NRXN1: variants seen among roughly 807,000 people sequenced by gnomAD.
NRXN1 encodes the protein neurexin 1.
A neutral mutation model predicts 150.9 loss-of-function variants in NRXN1; 39 were observed. The observed-to-expected ratio is 0.26, with a 90% CI of 0.20 to 0.34. NRXN1 has a LOEUF of 0.34. Ranked by LOEUF, NRXN1 falls within the 10% of genes least tolerant of loss-of-function variation. The probability of loss-of-function intolerance (pLI) is 1.00; values close to 1 mark genes in which losing one functional copy is unlikely to be tolerated. For missense variants in NRXN1, 1,815 were observed against 1,949.9 expected (o/e 0.93, Z 1.30); for synonymous variants, 924 against 757.0 (o/e 1.22, Z -3.62).
In NRXN1 at chr2:50,986,901, T is replaced by C. The variant is rs545657281; in HGVS notation, c.772+40601A>G. ...TATATATGCGTAAATGTACAGAAAG[T>C]AAAATTGAAAAACAGCACCCTGAAA... On this transcript the variant is annotated intron_variant, in intron 2 of 22. Coordinates refer to ENST00000401669, the MANE Select transcript of NRXN1 (RefSeq NM_001330078.2). Among the ~76,000 whole-genome samples the C allele has an allele frequency of 2.0e-3, 297 of 151,876 alleles. 3 individuals are homozygous for C. Among genetic ancestry groups the C allele is most frequent in the African/African-American group, 6.9e-3 (287 of 41,526 alleles).
At chr2:50,162,744 G>T (rs1470025372) in intron 18 of NRXN1, among the ~76,000 whole-genome samples, 1 of 151,886 alleles carries the variant, frequency 6.6e-6, no homozygotes, top group East Asian at 1.9e-4. Flanking sequence ...ATACTATTCT[G>T]CCTAACCTCA....
intron 8 of NRXN1, among the ~76,000 whole-genome samples, chr2:50,579,864 G>A (rs1671992140): frequency 6.6e-6 from 1 of 152,042 alleles, no homozygotes; most frequent in Non-Finnish European, 1.5e-5. Flanking sequence ...ATCCTTGTCC[G>A]AGATCTACAT....
intron 2 of NRXN1, among the ~76,000 whole-genome samples, chr2:50,990,009 G>T (rs1358995994): frequency 2.0e-5 from 3 of 151,898 alleles, no homozygotes; most frequent in African/African-American, 7.2e-5. Context: ...TAAAAAATTA[G>T]CCATTCTAAT....
chr2:50,401,146 AT>A (rs1366447537), intron 17 of NRXN1, among the ~76,000 whole-genome samples: 1 of 152,206 alleles, frequency 6.6e-6, no homozygotes, highest in Non-Finnish European at 1.5e-5. Context: ...TTCATATTAG[AT>A]ACCAAGCGCT....
chr2:50,846,278 C>T (rs186744357), intron 5 of NRXN1, among the ~76,000 whole-genome samples: 107 of 152,290 alleles, frequency 7.0e-4, no homozygotes, highest in African/African-American at 2.5e-3. Context: ...AAAGCCACCA[C>T]AGATCTGCCT....
chr2:50,905,960 C>G (rs1265901339), intron 5 of NRXN1, among the ~76,000 whole-genome samples: 2 of 152,044 alleles, frequency 1.3e-5, no homozygotes, highest in African/African-American at 4.8e-5. Flanking sequence ...TTAAGCAAGG[C>G]ACTAGACTAA....
intron 5 of NRXN1, among the ~76,000 whole-genome samples, chr2:50,666,321 T>C (rs1211729706): frequency 6.6e-6 from 1 of 151,962 alleles, no homozygotes; most frequent in Non-Finnish European, 1.5e-5. Context: ...TTTTGTCTTT[T>C]ACAATTAAAG....
intron 5 of NRXN1, among the ~76,000 whole-genome samples, chr2:50,816,873 A>T (rs927529440): frequency 6.6e-6 from 1 of 152,112 alleles, no homozygotes; most frequent in African/African-American, 2.4e-5. Context: ...ACATAGACTA[A>T]CCAGGAATGA....
chr2:50,260,150 T>C (rs1022620467), intron 17 of NRXN1, among the ~76,000 whole-genome samples: 5 of 151,840 alleles, frequency 3.3e-5, no homozygotes, highest in Admixed American at 2.0e-4. Context: ...TAACCACTAC[T>C]TTTATCTATG....
intron 15 of NRXN1, among the ~76,000 whole-genome samples, chr2:50,491,364 T>G (rs1414770320): frequency 6.6e-6 from 1 of 152,204 alleles, no homozygotes; most frequent in Non-Finnish European, 1.5e-5. Context: ...CTATTTATCT[T>G]CAAACTTTGC....
chr2:50,220,174 T>C (rs2063777158), intron 18 of NRXN1, among the ~76,000 whole-genome samples: 2 of 149,962 alleles, frequency 1.3e-5, no homozygotes, highest in Non-Finnish European at 3.0e-5. Flanking sequence ...GAGGTTCACA[T>C]TACCAAAGAG....
rs183910924 is a variant in NRXN1, at chr2:50,875,213, C to T, written c.832+46656G>A. Among the ~76,000 whole-genome samples the T allele has an allele frequency of 1.9e-3, 281 of 151,688 alleles. 1 individual carries two copies. The highest frequency in any genetic ancestry group is 6.2e-3 in the African/African-American group (258 of 41,472). ...TAAGAGGGGTACATTTTTTTGACAT[C>T]ACTATATTACAATTTGAATCAAAAC... On this transcript the variant is annotated intron_variant, in intron 5 of 22. Coordinates refer to ENST00000401669, the MANE Select transcript of NRXN1 (RefSeq NM_001330078.2).
intron 18 of NRXN1, among the ~76,000 whole-genome samples, chr2:50,131,982 A>T (rs1408511044): frequency 1.3e-5 from 2 of 152,110 alleles, no homozygotes; most frequent in Non-Finnish European, 2.9e-5. Context: ...GTGCGTGTGT[A>T]TGTGTGTGTG....
chr2:50,777,912 C>T (rs140778251), intron 5 of NRXN1, among the ~76,000 whole-genome samples: 4 of 152,186 alleles, frequency 2.6e-5, no homozygotes, highest in Middle Eastern at 3.4e-3. Context: ...TGTAGAAATG[C>T]TTAAAAATGT....
At chr2:50,849,743 T>C (rs1674229990) in intron 5 of NRXN1, among the ~76,000 whole-genome samples, 1 of 152,170 alleles carries the variant, frequency 6.6e-6, no homozygotes, top group Admixed American at 6.5e-5. Context: ...GTGCTATCTT[T>C]CTTAGACCGG....
intron 5 of NRXN1, among the ~76,000 whole-genome samples, chr2:50,848,483 G>C (rs766303131): frequency 6.6e-6 from 1 of 152,088 alleles, no homozygotes; most frequent in Admixed American, 6.6e-5. Context: ...CGGTTTGGGA[G>C]GCAATTGGTT....
intron 8 of NRXN1, among the ~76,000 whole-genome samples, chr2:50,557,655 A>G (rs555013376): frequency 4.2e-4 from 64 of 152,190 alleles, no homozygotes; most frequent in Non-Finnish European, 7.5e-4. Context: ...TATTTTAGTT[A>G]AAGTGCTAAT....
At chr2:50,401,664 G>A (rs761972271) in intron 17 of NRXN1, among the ~76,000 whole-genome samples, 11 of 152,114 alleles carry the variant, frequency 7.2e-5, no homozygotes, top group African/African-American at 2.4e-4. Flanking sequence ...GCAAGGCAGA[G>A]AAAAGGATGG....
At chr2:50,614,486 A>C (rs553845674) in intron 8 of NRXN1, among the ~76,000 whole-genome samples, 1 of 151,924 alleles carries the variant, frequency 6.6e-6, no homozygotes, top group Admixed American at 6.6e-5. Context: ...GAAAATAAGC[A>C]AAAAAGGGGA....
Sources: gnomAD v4.1 joint callset for allele counts (sites outside exome capture counted in the v4.1 genomes callset) on GRCh38, gnomAD v4.1.1 for gene constraint, MANE v1.5 for transcripts, NCBI Gene and HGNC (gene_info 2026-07-23, HGNC 2026-07-21) for gene names.